The following CRACD variants were observed in gnomAD, a reference collection of about 807,000 sequenced individuals.
CRACD encodes the protein capping protein inhibiting regulator of actin dynamics.
CRACD carries 56 observed loss-of-function variants against 106.8 expected under a neutral mutation model. That is an observed-to-expected ratio of 0.52 (90% CI 0.42 to 0.66). The LOEUF (loss-of-function observed/expected upper bound fraction) is 0.66. CRACD is among the 30% of genes least tolerant of loss of function. The probability of loss-of-function intolerance (pLI) is 0.00; values close to 1 mark genes in which losing one functional copy is unlikely to be tolerated. For missense variants in CRACD, 1,730 were observed against 1,623.2 expected (o/e 1.07, Z -1.13); for synonymous variants, 754 against 670.8 (o/e 1.12, Z -1.92).
chr4:56,313,364 C>T lies in CRACD; in HGVS notation c.522C>T (p.His174=), dbSNP rs1234043218. ...KPKKQRVSKK[H]RRLAQDPQHE... ...AAAAACAGAGGGTGTCAAAGAAGCACAGGCGCCTTGCCCAGGTGTGTAGAG... is the reference window on the plus strand; with the variant it reads ...AAAAACAGAGGGTGTCAAAGAAGCATAGGCGCCTTGCCCAGGTGTGTAGAG... The change falls in exon 7 of 11, where the codon CAC becomes CAT. Residue 174 remains histidine (H), a synonymous_variant. Coordinates refer to ENST00000682029, the MANE Select transcript of CRACD (RefSeq NM_001393381.1). 5.6e-6 allele frequency: 9 copies of T among 1,613,604 alleles called. No individual in the cohort carries two copies. The highest frequency in any genetic ancestry group is 7.6e-6 in the Non-Finnish European group (9 of 1,179,970).
intron 3 of CRACD, 177 bp from the exon 4 acceptor site, chr4:56,298,037 C>T: frequency 1.7e-6 from 1 of 586,838 alleles, no homozygotes; most frequent in South Asian, 2.3e-5. Flanking sequence ...AGATGGGGAC[C>T]CTTTTGTCTA....
Position 56,316,673 on chromosome 4 carries a change from C to T in CRACD, c.3171C>T (p.Pro1057=), listed in dbSNP as rs1375078679. ...ATQQEKPSQT[P]EAGRKEKPML... ...AGCAAGAGAAACCTTCTCAAACACC[C>T]GAGGCCGGGAGGAAAGGTAGGTAGC... The change falls in exon 8 of 11, where the codon CCC becomes CCT. Residue 1057 remains proline (P), a synonymous_variant. Transcript: ENST00000682029. 3.1e-6 allele frequency: 5 copies of T among 1,608,764 alleles called. No homozygotes were observed. Among genetic ancestry groups the T allele is most frequent in the Non-Finnish European group, 3.4e-6 (4 of 1,176,742 alleles).
chr4:56,320,366 A>G (rs138777103), intron 8 of CRACD, among the ~76,000 whole-genome samples: 1 of 152,112 alleles, frequency 6.6e-6, no homozygotes, highest in Non-Finnish European at 1.5e-5. Flanking sequence ...TTAGAATGAG[A>G]GAGAATGGGT....
intron 1 of CRACD, among the ~76,000 whole-genome samples, chr4:56,147,534 T>C (rs1054577023): frequency 6.6e-6 from 1 of 152,218 alleles, no homozygotes; most frequent in Non-Finnish European, 1.5e-5. Flanking sequence ...ATATGTGACC[T>C]TTGGTGTCTG....
At chr4:56,167,069 G>A (rs901768041) in intron 1 of CRACD, among the ~76,000 whole-genome samples, 16 of 152,142 alleles carry the variant, frequency 1.1e-4, no homozygotes, top group Non-Finnish European at 1.0e-4. Flanking sequence ...TAGTGGGATT[G>A]TGGGTAATAT....
At chr4:56,172,492 C>T (rs185396462) in intron 1 of CRACD, among the ~76,000 whole-genome samples, 36 of 152,140 alleles carry the variant, frequency 2.4e-4, no homozygotes, top group Non-Finnish European at 4.9e-4. Flanking sequence ...GACAGAGTTT[C>T]GCTCTTGTTG....
intron 2 of CRACD, among the ~76,000 whole-genome samples, chr4:56,240,131 T>A (rs1210930593): frequency 3.3e-5 from 5 of 152,188 alleles, no homozygotes; most frequent in Admixed American, 6.5e-5. Flanking sequence ...ATTTATTAAA[T>A]ATGTATGTAT....
chr4:56,131,172 G>A (rs935481420), intron 1 of CRACD, among the ~76,000 whole-genome samples: 2 of 152,068 alleles, frequency 1.3e-5, no homozygotes, highest in African/African-American at 4.8e-5. Context: ...CTTAAGTCCC[G>A]GTTGAGCTAC....
Position 56,072,141 on chromosome 4 carries a change from A to AG in CRACD, c.-336+22842_-336+22843insG, listed in dbSNP as rs994040236. Among the ~76,000 whole-genome samples the AG allele has an allele frequency of 3.3e-5, 5 of 151,588 alleles. No homozygotes were observed. The South Asian group carries it at 8.3e-4, about 25-fold the overall frequency. On this transcript the variant is annotated intron_variant, in intron 1 of 10. Coordinates refer to ENST00000682029, the MANE Select transcript of CRACD (RefSeq NM_001393381.1). ...AGACTCCGTCTCAAAAAAAAAAAAAAAAAGAAAAGTTTCAGAATTGGGACA... is the reference window on the plus strand; with the variant it reads ...AGACTCCGTCTCAAAAAAAAAAAAAAGAAAGAAAAGTTTCAGAATTGGGACA...
chr4:56,249,117 A>G (rs1387162762), intron 2 of CRACD, among the ~76,000 whole-genome samples: 1 of 145,636 alleles, frequency 6.9e-6, no homozygotes, highest in Non-Finnish European at 1.5e-5. Flanking sequence ...GTCAAATGGT[A>G]TTTCTAGTTG....
Position 56,314,158 on chromosome 4 carries a change from AAG to A in CRACD, c.662_663del (p.Arg221LysfsTer88). 1 of 1,614,096 alleles carries A rather than the reference AAG, an allele frequency of 6.2e-7. No homozygotes were observed. On this transcript the variant is annotated frameshift_variant, in exon 8 of 11. Coordinates refer to ENST00000682029, the MANE Select transcript of CRACD (RefSeq NM_001393381.1). LOFTEE classifies it high-confidence loss of function. The surrounding 1 kb of genome is among the most constrained non-coding windows in gnomAD (Gnocchi z 4.4). ...GAACCCAATCCGCTGGATTCCGAGGAAGAGAGAAGACGCCAAGAAGACTACTG... is the reference window on the plus strand; with the variant it reads ...GAACCCAATCCGCTGGATTCCGAGGAAGAGAAGACGCCAAGAAGACTACTG...
At chr4:56,171,443 G>A (rs2109917041) in intron 1 of CRACD, among the ~76,000 whole-genome samples, 1 of 152,266 alleles carries the variant, frequency 6.6e-6, no homozygotes, top group Non-Finnish European at 1.5e-5. Flanking sequence ...CATAGATTAG[G>A]GGGGCTGTAG....
At position 56,274,764 on chromosome 4, in the gene CRACD, A is replaced by G. The variant is rs1029671425; in HGVS notation, c.-17+2272A>G. 2.0e-5 allele frequency among the ~76,000 whole-genome samples: 3 copies of G among 152,238 alleles called. No homozygotes were observed. The East Asian group carries it at 5.8e-4, about 29-fold the overall frequency. ...TAATTTTTAAAATGTCACTTTAAAT[A>G]TTTAAAAAATTAGTGGGTATATGCC... is the stretch of plus-strand genomic sequence containing the variant. On this transcript the variant is annotated intron_variant, in intron 3 of 10. Transcript: ENST00000682029.
chr4:56,192,111 G>A (rs1737396945), intron 2 of CRACD, among the ~76,000 whole-genome samples: 1 of 152,112 alleles, frequency 6.6e-6, no homozygotes, highest in Non-Finnish European at 1.5e-5. Flanking sequence ...AGGTATACTG[G>A]CCAGGCGCAT....
chr4:56,062,423 A>G (rs994836369), intron 1 of CRACD, among the ~76,000 whole-genome samples: 10 of 152,222 alleles, frequency 6.6e-5, no homozygotes, highest in Non-Finnish European at 1.5e-5. Flanking sequence ...GTGAACATTC[A>G]TCTTGGCCCT....
chr4:56,119,735 C>A (rs1331396822), intron 1 of CRACD, among the ~76,000 whole-genome samples: 1 of 152,164 alleles, frequency 6.6e-6, no homozygotes, highest in African/African-American at 2.4e-5. Context: ...CAAGCCACAC[C>A]TCTCTTATGA....
At chr4:56,060,244 A>G (rs1467541077) in intron 1 of CRACD, among the ~76,000 whole-genome samples, 1 of 151,904 alleles carries the variant, frequency 6.6e-6, no homozygotes, top group South Asian at 2.1e-4. Flanking sequence ...CCAGCTGTTC[A>G]TGCCAGTTAC....
chr4:56,217,004 A>G (rs868020626), intron 2 of CRACD, among the ~76,000 whole-genome samples: 22 of 119,372 alleles, frequency 1.8e-4, no homozygotes, highest in East Asian at 1.5e-3. Context: ...AAAAAAAAAG[A>G]AAAAAAAAAA....
chr4:56,188,623 C>CTCTA (rs1737190896), intron 2 of CRACD, among the ~76,000 whole-genome samples: 1 of 8,620 alleles, frequency 1.2e-4, no homozygotes, highest in African/African-American at 5.7e-4. Flanking sequence ...TCTGTCTAGC[C>CTCTA]TCTCTCTCTC....
Sources: allele counts gnomAD v4.1 joint callset (sites outside exome capture counted in the v4.1 genomes callset), GRCh38; gene constraint gnomAD v4.1.1; non-coding constraint Gnocchi (gnomAD v3.1); transcripts MANE v1.5; gene names NCBI Gene and HGNC (gene_info 2026-07-23, HGNC 2026-07-21).